The following PATJ variants were observed in gnomAD, a reference collection of about 807,000 sequenced individuals.
The protein encoded by PATJ is PATJ crumbs cell polarity complex component, also known as inaD-like protein.
Under a neutral mutation model 224.9 loss-of-function variants are expected in PATJ, and 190 were observed. That is an observed-to-expected ratio of 0.84 (90% CI 0.75 to 0.95). The LOEUF is 0.95. PATJ is among the 40% of genes least tolerant of loss of function. The pLI, the probability that PATJ is intolerant of heterozygous loss-of-function variation, is 0.00. For synonymous variants in PATJ, 769 were observed against 820.3 expected (o/e 0.94, Z 1.07); for missense variants, 2,121 against 2,270.3 (o/e 0.93, Z 1.34).
At chr1:61,937,494 T>C (rs1557904082) in intron 27 of PATJ, among the ~76,000 whole-genome samples, 1 of 152,312 alleles carries the variant, frequency 6.6e-6, no homozygotes, top group East Asian at 1.9e-4. Flanking sequence ...CAGTTATTTC[T>C]AAATCCATCT....
chr1:62,099,347 C>CTTTTTTTTTTTTTTTTTTTTTTTT (rs71050197), intron 33 of PATJ, among the ~76,000 whole-genome samples: 5 of 55,676 alleles, frequency 9.0e-5, no homozygotes, highest in East Asian at 4.0e-4. Flanking sequence ...ATATCTCCAA[C>CTTTTTTTTTTTTTTTTTTTTTTTT]TTTTTTTTTT....
Position 61,818,820 on chromosome 1 carries a change from A to T in PATJ, c.1684-4125A>T, listed in dbSNP as rs1656691741. Among the ~76,000 whole-genome samples the T allele has an allele frequency of 2.0e-5, 3 of 152,150 alleles. No individual in the cohort carries two copies. In the South Asian group the frequency reaches 6.2e-4, roughly 32 times the overall value. On this transcript the variant is annotated intron_variant, in intron 14 of 43. Transcript: ENST00000642238. ...AGATGACATGGGTGAGCCTCTGCGA[A>T]TCCTGACTCCAGCTGTTCCATGGAG...
At chr1:61,756,012 C>G (rs928021351) in intron 1 of PATJ, among the ~76,000 whole-genome samples, 1 of 152,040 alleles carries the variant, frequency 6.6e-6, no homozygotes, top group Admixed American at 6.6e-5. Context: ...ATGTTGGTCT[C>G]GAACTCCTGA....
chr1:61,787,698 T>C (rs1388537224), intron 7 of PATJ, 56 bp from the exon 8 acceptor site: 6 of 1,324,968 alleles, frequency 4.5e-6, no homozygotes, highest in Non-Finnish European at 6.5e-6. Context: ...GAATTGTTAT[T>C]AACCAGTGAA....
chr1:61,961,421 A>C (rs1004731411), intron 27 of PATJ, among the ~76,000 whole-genome samples: 1 of 152,198 alleles, frequency 6.6e-6, no homozygotes, highest in African/African-American at 2.4e-5. Context: ...GCCAAAATGG[A>C]TATAACTACA....
intron 27 of PATJ, among the ~76,000 whole-genome samples, chr1:61,981,807 G>A (rs890722690): frequency 4.6e-5 from 7 of 151,962 alleles, no homozygotes; most frequent in South Asian, 2.1e-4. Flanking sequence ...GAGTAGCTGG[G>A]ATTACAGGCA....
intron 29 of PATJ, among the ~76,000 whole-genome samples, chr1:62,029,643 T>C (rs376518022): frequency 6.6e-6 from 1 of 152,130 alleles, no homozygotes; most frequent in African/African-American, 2.4e-5. Context: ...CTTAGAAGAA[T>C]AGAATGAAGT....
intron 33 of PATJ, among the ~76,000 whole-genome samples, chr1:62,102,706 G>A (rs1472529082): frequency 6.6e-6 from 1 of 151,252 alleles, no homozygotes; most frequent in Non-Finnish European, 1.5e-5. Flanking sequence ...TACCGAAAAA[G>A]CACAATTAGC....
chr1:61,982,656 T>C (rs754129975), intron 27 of PATJ, among the ~76,000 whole-genome samples: 4 of 151,096 alleles, frequency 2.6e-5, no homozygotes, highest in Non-Finnish European at 4.4e-5. Context: ...TAAAATGATA[T>C]TGGAGAATTT....
At chr1:61,955,290 A>G (rs1680287148) in intron 27 of PATJ, among the ~76,000 whole-genome samples, 2 of 152,196 alleles carry the variant, frequency 1.3e-5, no homozygotes, top group South Asian at 4.1e-4. Flanking sequence ...TAAGAGGAGA[A>G]ATACAGTATC....
At chr1:61,942,820 A>T (rs966447626) in intron 27 of PATJ, among the ~76,000 whole-genome samples, 2 of 152,174 alleles carry the variant, frequency 1.3e-5, no homozygotes, top group Non-Finnish European at 2.9e-5. Context: ...AAGTGCTAGG[A>T]TTACAGGCAT....
At chr1:61,762,662 A>C (rs558426229) in intron 1 of PATJ, among the ~76,000 whole-genome samples, 196 bp from the exon 2 acceptor site, 1 of 152,250 alleles carries the variant, frequency 6.6e-6, no homozygotes, top group Non-Finnish European at 1.5e-5. Flanking sequence ...GCCTCGTTGA[A>C]ACTTAGTGTT....
At chr1:61,831,859 G>A (rs921414752) in intron 16 of PATJ, among the ~76,000 whole-genome samples, 5 of 152,066 alleles carry the variant, frequency 3.3e-5, no homozygotes, top group African/African-American at 1.2e-4. Flanking sequence ...AAATTGTTTT[G>A]CCATAAAGAT....
At chr1:61,936,528 TAC>T (rs985750310) in intron 27 of PATJ, among the ~76,000 whole-genome samples, 2 of 150,710 alleles carry the variant, frequency 1.3e-5, no homozygotes, top group African/African-American at 4.9e-5. Context: ...ATTCAAAACC[TAC>T]AGAGTATTTT....
chr1:62,035,615 A>G (rs10128043), intron 29 of PATJ, among the ~76,000 whole-genome samples: 17,123 of 124,186 alleles, frequency 0.14, 2,248 homozygotes, highest in African/African-American at 0.35. Flanking sequence ...CCATTCATTC[A>G]TTTTTTTTTT....
rs1328546944 is a variant in PATJ, at chr1:61,884,372, C to T, written c.3095C>T (p.Thr1032Ile). Residue 1032 changes from threonine (T) to isoleucine (I), a missense_variant, in exon 22 of 44, where the codon ACA becomes ATA. Thr to Ile is a moderately conservative substitution (Grantham distance 89, BLOSUM62 -1). Transcript: ENST00000642238. ...TRVISKASAY[T>I]GMLSSRYATD... ...GTTATTTCCAAGGCCTCAGCATACACAGGAATGTTGTCTTCTAGATATGCC... is the reference window on the plus strand; with the variant it reads ...GTTATTTCCAAGGCCTCAGCATACATAGGAATGTTGTCTTCTAGATATGCC... 1.2e-6 allele frequency: 2 copies of T among 1,609,182 alleles called. No homozygotes were observed. Among genetic ancestry groups the T allele is most frequent in the African/African-American group, 2.7e-5 (2 of 74,460 alleles).
intron 37 of PATJ, among the ~76,000 whole-genome samples, chr1:62,119,802 G>A (rs2148910444): frequency 6.6e-6 from 1 of 152,136 alleles, no homozygotes; most frequent in Non-Finnish European, 1.5e-5. Context: ...AAATTAGCTG[G>A]GCATAGTGGT....
At chr1:61,949,847 A>G (rs1169436297) in intron 27 of PATJ, among the ~76,000 whole-genome samples, 1 of 151,958 alleles carries the variant, frequency 6.6e-6, no homozygotes, top group Non-Finnish European at 1.5e-5. Flanking sequence ...GGCTGCAGTG[A>G]GCCAAGATCA....
intron 22 of PATJ, among the ~76,000 whole-genome samples, chr1:61,895,813 C>T (rs1002277036): frequency 6.6e-6 from 1 of 152,170 alleles, no homozygotes; most frequent in South Asian, 2.1e-4. Flanking sequence ...ATGGTATCTC[C>T]ACTGGCAGCT....
Sources: allele counts gnomAD v4.1 joint callset (sites outside exome capture counted in the v4.1 genomes callset), GRCh38; gene constraint gnomAD v4.1.1; transcripts MANE v1.5; gene names NCBI Gene and HGNC (gene_info 2026-07-23, HGNC 2026-07-21).